The following XRCC2 variants were observed in gnomAD, a reference collection of about 807,000 sequenced individuals.
XRCC2 encodes the protein DNA repair protein XRCC2.
XRCC2 carries 24 observed loss-of-function variants against 27.3 expected under a neutral mutation model. That is an observed-to-expected ratio of 0.88 (90% CI 0.64 to 1.24). XRCC2 has a LOEUF of 1.24. XRCC2 is among the 50% of genes most tolerant of loss of function. The probability of loss-of-function intolerance (pLI) is 0.00; values close to 1 mark genes in which losing one functional copy is unlikely to be tolerated. For missense variants in XRCC2, 321 were observed against 325.8 expected (o/e 0.99, Z 0.11); for synonymous variants, 106 against 115.4 (o/e 0.92, Z 0.52).
At chr7:152,671,251 T>A (rs1206972930) in intron 1 of XRCC2, among the ~76,000 whole-genome samples, 6 of 152,068 alleles carry the variant, frequency 3.9e-5, no homozygotes, top group Non-Finnish European at 8.8e-5. Flanking sequence ...TGGAAAAATT[T>A]AAAACCTCCA....
At chr7:152,664,349 A>G (rs1433702435) in intron 1 of XRCC2, among the ~76,000 whole-genome samples, 1 of 152,166 alleles carries the variant, frequency 6.6e-6, no homozygotes, top group East Asian at 1.9e-4. Context: ...AATAGCTGGT[A>G]AAGCATTATT....
rs1590129644 is a variant in XRCC2 at position 152,649,153 on chromosome 7, C to A, written c.332G>T (p.Cys111Phe). 1 of 1,613,600 alleles carries A rather than the reference C, an allele frequency of 6.2e-7. No homozygotes were observed. The highest frequency in any genetic ancestry group is 1.1e-5 in the South Asian group (1 of 91,052). Residue 111 changes from cysteine to phenylalanine, a missense_variant, in exon 3 of 3, where the codon TGC becomes TTC. Coordinates refer to ENST00000359321, the MANE Select transcript of XRCC2 (RefSeq NM_005431.2). ...SQSSEEIIKY[C>F]LGRFFLVYCS... ...GTACACCAAAAAAAATCTTCCCAGG[C>A]AGTATTTGATTATTTCTTCAGAGCT...
chr7:152,652,027 C>T (rs570386580), intron 2 of XRCC2, among the ~76,000 whole-genome samples: 202 of 151,654 alleles, frequency 1.3e-3, no homozygotes, highest in Non-Finnish European at 2.1e-3. Flanking sequence ...AAGAAATAGC[C>T]GGGCGTGGTA....
chr7:152,663,065 A>T (rs1246687934), intron 1 of XRCC2, among the ~76,000 whole-genome samples: 1 of 152,160 alleles, frequency 6.6e-6, no homozygotes, highest in Non-Finnish European at 1.5e-5. Context: ...AGTCCTCTAG[A>T]TGAGATTATG....
At chr7:152,661,791 C>A (rs1029423) in intron 1 of XRCC2, among the ~76,000 whole-genome samples, 1 of 152,178 alleles carries the variant, frequency 6.6e-6, no homozygotes, top group African/African-American at 2.4e-5. Flanking sequence ...ACACTAAGCA[C>A]TGAGAAGTAT....
rs780202744 is a variant in XRCC2, at chr7:152,648,860, G to T, written c.625C>A (p.Pro209Thr). 1.3e-5 allele frequency: 21 copies of T among 1,613,928 alleles called. No homozygotes were observed. The highest frequency in any genetic ancestry group is 1.6e-5 in the Non-Finnish European group (19 of 1,179,852). ...CACAGTCGTCGAGAGGCATGAGAAG[G>T]TTCTTCTGATGAGCTCGAGGCTTTC... ...MQKASSSSEEPSHASRRLCDV... is the reference protein window; with the variant it reads ...MQKASSSSEETSHASRRLCDV... Residue 209 changes from proline to threonine, a missense_variant, in exon 3 of 3, where the codon CCT becomes ACT. Pro to Thr is a conservative substitution (Grantham distance 38). Transcript: ENST00000359321.
chr7:152,663,754 G>A (rs886789985), intron 1 of XRCC2, among the ~76,000 whole-genome samples: 1 of 152,020 alleles, frequency 6.6e-6, no homozygotes, highest in East Asian at 1.9e-4. Context: ...GAAAAGAATC[G>A]CTTGAGTCCA....
At chr7:152,662,506 T>C (rs2098033541) in intron 1 of XRCC2, among the ~76,000 whole-genome samples, 1 of 149,410 alleles carries the variant, frequency 6.7e-6, no homozygotes, top group Non-Finnish European at 1.5e-5. Flanking sequence ...ACAACCCTTC[T>C]ATATGACAAA....
rs2116987588 is a variant in XRCC2, at chr7:152,648,938, G to C, written c.547C>G (p.Leu183Val). The change falls in exon 3 of 3, where the codon CTT becomes GTT. Residue 183 changes from leucine (L) to valine (V), a missense_variant. By Grantham distance (32) the Leu-to-Val change is conservative. Coordinates refer to ENST00000359321, the MANE Select transcript of XRCC2 (RefSeq NM_005431.2). ...LRKCSQCLEK[L>V]VNDYRLVLFA... ...AGAACCAGGCGATAGTCATTTACAA[G>C]CTTCTCTAAGCACTGAGAACATTTC... The C allele has an allele frequency of 6.2e-7, 1 of 1,614,182 alleles. No homozygotes were observed.
Position 152,648,606 on chromosome 7 carries a change from C to A in XRCC2, c.*36G>T, listed in dbSNP as rs186039383. The stretch of plus-strand genomic sequence containing the variant: ...GTCTTAAGAAAAATTTTAAGGCTTG[C>A]GTAGTACCCTGCAAAAGACTATTTT... On this transcript the variant is annotated 3_prime_UTR_variant, in exon 3 of 3. Transcript: ENST00000359321. 1.9e-6 allele frequency: 3 copies of A among 1,545,474 alleles called. No homozygotes were observed. Among genetic ancestry groups the A allele is most frequent in the Non-Finnish European group, 2.6e-6 (3 of 1,153,880 alleles).
Position 152,671,478 on chromosome 7 carries a change from AC to A in XRCC2, c.39+4562del, listed in dbSNP as rs1410175952. On this transcript the variant is annotated intron_variant, in intron 1 of 2. Coordinates refer to ENST00000359321, the MANE Select transcript of XRCC2 (RefSeq NM_005431.2). ...GAGGTAAAAGGTATTCTGCATAGTC[AC>A]ATTACAATCACAATCATAAATTTAA... 3.0e-4 allele frequency among the ~76,000 whole-genome samples: 46 copies of A among 152,208 alleles called. 1 individual carries two copies. Among genetic ancestry groups the A allele is most frequent in the Non-Finnish European group, 1.0e-4 (7 of 68,042 alleles).
intron 1 of XRCC2, among the ~76,000 whole-genome samples, chr7:152,671,704 G>A (rs1159045574): frequency 6.6e-6 from 1 of 152,128 alleles, no homozygotes; most frequent in Non-Finnish European, 1.5e-5. Flanking sequence ...AATTACTAGA[G>A]AAATATAGTT....
intron 2 of XRCC2, among the ~76,000 whole-genome samples, chr7:152,658,119 T>C (rs28544184): frequency 0.1 from 15,611 of 151,618 alleles, 1,197 homozygotes; most frequent in Admixed American, 0.21. Flanking sequence ...GCATGAGCCA[T>C]CACACCTGGG....
At chr7:152,667,274 GC>G (rs752174179) in intron 1 of XRCC2, among the ~76,000 whole-genome samples, 9 of 151,822 alleles carry the variant, frequency 5.9e-5, no homozygotes, top group Non-Finnish European at 7.4e-5. Context: ...AGGCGTGGTG[GC>G]ACATGCCTGT....
At chr7:152,667,205 C>G (rs1389062649) in intron 1 of XRCC2, among the ~76,000 whole-genome samples, 1 of 151,312 alleles carries the variant, frequency 6.6e-6, no homozygotes, top group African/African-American at 2.4e-5. Flanking sequence ...ATTGGGAGTT[C>G]GAGACCAGCC....
At chr7:152,653,521 G>A (rs781021696) in intron 2 of XRCC2, among the ~76,000 whole-genome samples, 5 of 152,078 alleles carry the variant, frequency 3.3e-5, no homozygotes, top group Admixed American at 1.3e-4. Context: ...GTGTAGTGGC[G>A]TGACCTCAGC....
intron 2 of XRCC2, among the ~76,000 whole-genome samples, chr7:152,655,154 G>A (rs1179104843): frequency 2.6e-5 from 4 of 152,234 alleles, no homozygotes; most frequent in Admixed American, 1.3e-4. Context: ...AGAAAATCTG[G>A]ATGATTTGGC....
chr7:152,661,333 G>A (rs549018609), intron 1 of XRCC2, among the ~76,000 whole-genome samples: 21 of 152,140 alleles, frequency 1.4e-4, no homozygotes, highest in Non-Finnish European at 2.8e-4. Context: ...AACTGCTATG[G>A]CAAAATTTTT....
intron 1 of XRCC2, among the ~76,000 whole-genome samples, chr7:152,661,578 G>A (rs1175978154): frequency 2.0e-5 from 3 of 152,128 alleles, no homozygotes; most frequent in Non-Finnish European, 4.4e-5. Flanking sequence ...AACAGAAACA[G>A]GAGCAGCCAC....
Sources: allele counts gnomAD v4.1 joint callset (sites outside exome capture counted in the v4.1 genomes callset), GRCh38; gene constraint gnomAD v4.1.1; transcripts MANE v1.5; gene names NCBI Gene and HGNC (gene_info 2026-07-23, HGNC 2026-07-21).